The following ATAD2B variants were observed in gnomAD, a reference collection of about 807,000 sequenced individuals.
ATAD2B encodes ATPase family AAA domain containing 2B.
ATAD2B carries 40 observed loss-of-function variants against 167.6 expected under a neutral mutation model. The observed-to-expected ratio is 0.24, with a 90% confidence interval of 0.19 to 0.31. The LOEUF is 0.31. Among genes scored for constraint, ATAD2B ranks in the 10% least tolerant of loss-of-function variants. ATAD2B has a pLI of 1.00. For synonymous variants in ATAD2B, 579 were observed against 596.5 expected (o/e 0.97, Z 0.43); for missense variants, 1,242 against 1,757.2 (o/e 0.71, Z 5.24).
downstream of ATAD2B, among the ~76,000 whole-genome samples, chr2:23,747,682 C>G (rs981361094): frequency 6.6e-6 from 1 of 152,090 alleles, no homozygotes; most frequent in African/African-American, 2.4e-5. Context: ...CTGGCAGACT[C>G]TAAGCTACCT....
At chr2:23,891,204 G>C (rs1429568535) in intron 2 of ATAD2B, among the ~76,000 whole-genome samples, 1 of 152,084 alleles carries the variant, frequency 6.6e-6, no homozygotes, top group Non-Finnish European at 1.5e-5. Context: ...TATTTTAGTA[G>C]AGACAGGGTT....
chr2:23,912,768 A>T (rs1470490924), intron 1 of ATAD2B, among the ~76,000 whole-genome samples: 1 of 152,188 alleles, frequency 6.6e-6, no homozygotes, highest in African/African-American at 2.4e-5. Context: ...AAGTAGGCAG[A>T]TCACCTGAGG....
chr2:23,848,612 CAT>C (rs1692062605), intron 13 of ATAD2B, among the ~76,000 whole-genome samples: 1 of 152,162 alleles, frequency 6.6e-6, no homozygotes, highest in Admixed American at 6.5e-5. Context: ...AAGTTAAAGA[CAT>C]ATACCATAAA....
intron 1 of ATAD2B, among the ~76,000 whole-genome samples, chr2:23,907,193 C>T (rs1244977687): frequency 2.6e-4 from 39 of 152,090 alleles, no homozygotes; most frequent in East Asian, 9.7e-4. Context: ...TGTTTGCAGA[C>T]GACATGATTG....
At chr2:23,874,775 G>A (rs1445052450) in intron 8 of ATAD2B, among the ~76,000 whole-genome samples, 2 of 152,052 alleles carry the variant, frequency 1.3e-5, no homozygotes, top group Non-Finnish European at 2.9e-5. Context: ...GGATAATTAG[G>A]GCCGGGTGTG....
chr2:23,840,193 T>C (rs1358492632), intron 13 of ATAD2B, among the ~76,000 whole-genome samples: 1 of 152,240 alleles, frequency 6.6e-6, no homozygotes, highest in Non-Finnish European at 1.5e-5. Flanking sequence ...CTATAAACAT[T>C]GACATACAAG....
intron 13 of ATAD2B, among the ~76,000 whole-genome samples, chr2:23,844,683 T>C (rs962247454): frequency 1.3e-5 from 2 of 151,870 alleles, no homozygotes; most frequent in Non-Finnish European, 2.9e-5. Flanking sequence ...CTAACCAAAA[T>C]GAAACACAGA....
intron 17 of ATAD2B, chr2:23,811,575 C>T (rs574423508): frequency 1.3e-5 from 2 of 152,244 alleles, no homozygotes; most frequent in East Asian, 3.9e-4. Context: ...GGGAGGGGAA[C>T]ATCACACACC....
intron 13 of ATAD2B, among the ~76,000 whole-genome samples, chr2:23,850,567 T>A (rs56021814): frequency 0.12 from 18,635 of 152,160 alleles, 1,228 homozygotes; most frequent in Middle Eastern, 0.22. Context: ...AACTACATAC[T>A]GTTTGAGTCC....
chr2:23,765,696 A>G, intron 22 of ATAD2B, 68 bp from the exon 23 acceptor site: 1 of 1,049,022 alleles, frequency 9.5e-7, no homozygotes, highest in Non-Finnish European at 1.3e-6. Flanking sequence ...GGACATCTTA[A>G]AAAGTAAAAG....
At chr2:23,680,023 G>C in the ATAD2B span, among the ~76,000 whole-genome samples, 1 of 152,212 alleles carries the variant, frequency 6.6e-6, no homozygotes, top group Admixed American at 6.5e-5. This position sits in a 1 kb window ranked among gnomAD's most constrained non-coding sequence, Gnocchi z 4.1. Flanking sequence ...CCAGAGGGCT[G>C]TGCTGCCCCT....
At chr2:23,738,226 C>A in the ATAD2B span, among the ~76,000 whole-genome samples, 1 of 152,158 alleles carries the variant, frequency 6.6e-6, no homozygotes. Flanking sequence ...TTGAGAAGAG[C>A]AACTCCAAGA....
chr2:23,858,413 A>G (rs550517463), intron 12 of ATAD2B, among the ~76,000 whole-genome samples: 3 of 150,462 alleles, frequency 2.0e-5, no homozygotes, highest in Middle Eastern at 3.5e-3. Flanking sequence ...GAGCCACCGC[A>G]CTCAGCCTAC....
chr2:23,831,320 T>C (rs555841226), intron 14 of ATAD2B, among the ~76,000 whole-genome samples: 1 of 152,216 alleles, frequency 6.6e-6, no homozygotes, highest in Non-Finnish European at 1.5e-5. Context: ...ATAGAAGATG[T>C]GTACTATTTT....
chr2:23,717,661 G>A, the ATAD2B span, among the ~76,000 whole-genome samples: 2 of 152,048 alleles, frequency 1.3e-5, no homozygotes, highest in East Asian at 3.9e-4. Flanking sequence ...GCAACAAAAG[G>A]ATCGAGAGGA....
intron 19 of ATAD2B, among the ~76,000 whole-genome samples, chr2:23,796,393 T>C (rs926469969): frequency 6.6e-6 from 1 of 152,196 alleles, no homozygotes; most frequent in Admixed American, 6.5e-5. Context: ...CAGTATAACA[T>C]TGGAAATGTA....
chr2:23,922,057 A>C (rs1483555829), intron 1 of ATAD2B, among the ~76,000 whole-genome samples: 1 of 152,200 alleles, frequency 6.6e-6, no homozygotes, highest in Non-Finnish European at 1.5e-5. Context: ...TTAAAATAAA[A>C]ATAAAGTAAT....
At chr2:23,859,807 G>A (rs1425158078) in intron 12 of ATAD2B, among the ~76,000 whole-genome samples, 5 of 150,710 alleles carry the variant, frequency 3.3e-5, no homozygotes, top group Non-Finnish European at 5.9e-5. Flanking sequence ...AATTAGCCAC[G>A]CGTGGCGGGG....
intron 1 of ATAD2B, among the ~76,000 whole-genome samples, chr2:23,909,151 G>A (rs942968723): frequency 8.2e-5 from 12 of 145,592 alleles, no homozygotes; most frequent in Non-Finnish European, 1.7e-4. Context: ...AAAAAAAAAA[G>A]AAAGGCTCCT....
Sources: allele counts gnomAD v4.1 joint callset (sites outside exome capture counted in the v4.1 genomes callset), GRCh38; gene constraint gnomAD v4.1.1; non-coding constraint Gnocchi (gnomAD v3.1); transcripts MANE v1.5; gene names NCBI Gene and HGNC (gene_info 2026-07-23, HGNC 2026-07-21).